The following TRPM8 variants were observed in gnomAD, a reference collection of about 807,000 sequenced individuals.
TRPM8 encodes transient receptor potential cation channel subfamily M member 8.
TRPM8 carries 110 observed loss-of-function variants against 133.7 expected under a neutral mutation model. The observed-to-expected ratio is 0.82, with a 90% confidence interval of 0.70 to 0.96. The LOEUF is 0.96. Ranked by LOEUF, TRPM8 falls within the 40% of genes least tolerant of loss-of-function variation. The probability of loss-of-function intolerance (pLI) is 0.00; values close to 1 mark genes in which losing one functional copy is unlikely to be tolerated. For missense variants in TRPM8, 1,291 were observed against 1,379.5 expected, an observed-to-expected ratio of 0.94 and a Z score of 1.02; for synonymous variants, 535 against 532.3, an observed-to-expected ratio of 1.01 and a Z score of -0.07.
chr2:234,014,576 G>C lies in TRPM8; in HGVS notation c.3279G>C (p.Lys1093Asn). ...CTCTTTCCAAGCTTAATGATCTCAA[G>C]GGTCTTCTGAAAGAGATTGCTAATA... ...RQLDTKLNDL[K>N]GLLKEIANKI... Residue 1093 changes from lysine to asparagine, a missense_variant, in exon 25 of 26, where the codon AAG (lysine) becomes AAC (asparagine). By Grantham distance (94) the Lys-to-Asn change is moderately conservative (BLOSUM62 0). This residue lies in a region of TRPM8 where 328 missense variants were observed against 410.6 expected (regional missense o/e 0.80). Transcript: ENST00000324695. The C allele has an allele frequency of 1.3e-6, 2 of 1,551,490 alleles. No individual in the cohort carries two copies. Among genetic ancestry groups the C allele is most frequent in the Non-Finnish European group, 1.7e-6 (2 of 1,152,518 alleles).
chr2:233,992,968 A>G (rs185713650), intron 21 of TRPM8, among the ~76,000 whole-genome samples: 3 of 152,326 alleles, frequency 2.0e-5, no homozygotes, highest in African/African-American at 7.2e-5. Flanking sequence ...AGGTGGAAGC[A>G]TCGCTCCATT....
At position 233,966,794 on chromosome 2, in the gene TRPM8, T is replaced by C. The variant is rs200235408; in HGVS notation, c.2025+39T>C. On this transcript the variant is annotated intron_variant, in intron 15 of 25. Transcript: ENST00000324695. Reference sequence around the variant, plus strand: ...AGCCACCAGACCACACGGCCAGAAATGGGGCTTTTATGTCAGATGCTACTA... The same window carrying C: ...AGCCACCAGACCACACGGCCAGAAACGGGGCTTTTATGTCAGATGCTACTA... 8.0e-4 allele frequency: 1,178 copies of C among 1,476,294 alleles called. 3 individuals are homozygous for C. The highest frequency in any genetic ancestry group is 1.0e-3 in the Non-Finnish European group (1,104 of 1,108,730). The allele number at this position is 1,476,294 out of a possible 1,614,324, so 91.4% of individuals were successfully genotyped here.
rs749988428 is a variant in TRPM8 at position 233,960,790 on chromosome 2, A to G, written c.1377A>G (p.Gln459=). 1.1e-5 allele frequency: 18 copies of G among 1,613,924 alleles called. No individual in the cohort carries two copies. The East Asian group carries it at 1.8e-4, about 16-fold the overall frequency. The stretch of plus-strand genomic sequence containing the variant: ...TTTCTCCTTAGTCTGCTGACCTTCA[A>G]GAAGTCATGTTTACGGCTCTCATAA... ...NDRRWESADL[Q]EVMFTALIKD... Residue 459 remains glutamine, a synonymous_variant, in exon 12 of 26, where the codon CAA becomes CAG. Transcript: ENST00000324695.
chr2:233,970,368 C>A lies in TRPM8; in HGVS notation c.2297C>A (p.Pro766His), dbSNP rs778608904. The change falls in exon 17 of 26, where the codon CCC becomes CAC. Residue 766 changes from proline (P) to histidine (H), a missense_variant. Transcript: ENST00000324695. ...LLMDFHSVPH[P>H]PELVLYSLVF... ...ATGGATTTCCATTCGGTGCCACACC[C>A]CCCCGAGCTGGTCCTGTACTCGCTG... 3 of 1,614,024 alleles carry A rather than the reference C, an allele frequency of 1.9e-6. No homozygotes were observed. The African/African-American group carries it at 4.0e-5, about 22-fold the overall frequency.
At chr2:233,980,950 C>G (rs887595804) in intron 18 of TRPM8, among the ~76,000 whole-genome samples, 1 of 152,168 alleles carries the variant, frequency 6.6e-6, no homozygotes, top group Non-Finnish European at 1.5e-5. Flanking sequence ...TGGCTCACAC[C>G]TGTAATCCCA....
At chr2:234,007,167 T>C (rs947308725) in intron 23 of TRPM8, among the ~76,000 whole-genome samples, 1 of 152,150 alleles carries the variant, frequency 6.6e-6, no homozygotes, top group East Asian at 1.9e-4. Flanking sequence ...ACTATCCCAA[T>C]TGCCCTTCAA....
At chr2:233,948,232 A>G (rs1396734551) in intron 8 of TRPM8, among the ~76,000 whole-genome samples, 1 of 152,220 alleles carries the variant, frequency 6.6e-6, no homozygotes, top group East Asian at 1.9e-4. Context: ...TCCATTCAAC[A>G]GATATTTATT....
chr2:234,006,667 G>T (rs960716830), intron 22 of TRPM8, among the ~76,000 whole-genome samples, 186 bp from the exon 23 acceptor site: 1 of 152,170 alleles, frequency 6.6e-6, no homozygotes, highest in Non-Finnish European at 1.5e-5. Context: ...TCATTGTTAG[G>T]AGAAAGCCAT....
chr2:233,943,146 C>T (rs899217263), intron 6 of TRPM8, among the ~76,000 whole-genome samples: 1 of 135,998 alleles, frequency 7.4e-6, no homozygotes, highest in Admixed American at 8.3e-5. Context: ...TTTTAGGGTA[C>T]TTGTGCATAA....
intron 1 of TRPM8, among the ~76,000 whole-genome samples, chr2:233,922,318 G>A (rs1201185719): frequency 6.6e-6 from 1 of 152,058 alleles, no homozygotes; most frequent in African/African-American, 2.4e-5. Context: ...CAATCCCTTT[G>A]CTTTGGCCAT....
At chr2:233,963,751 T>G (rs1422924677) in intron 13 of TRPM8, among the ~76,000 whole-genome samples, 1 of 152,246 alleles carries the variant, frequency 6.6e-6, no homozygotes, top group Non-Finnish European at 1.5e-5. Context: ...AGAATTTTCC[T>G]TGTGATTTAG....
At chr2:233,946,145 A>G in intron 7 of TRPM8, 115 bp downstream of exon 7, 1 of 998,300 alleles carries the variant, frequency 1.0e-6, no homozygotes. Context: ...CTGATCAGGT[A>G]TTTTTATTGC....
chr2:233,996,386 C>A lies in TRPM8; in HGVS notation c.3000C>A (p.Phe1000Leu), dbSNP rs766712846. The change falls in exon 22 of 26, where the codon TTC becomes TTA. Residue 1000 changes from phenylalanine (F) to leucine (L), a missense_variant. Phe to Leu is a conservative substitution (Grantham distance 22). Around this residue, in one of 2 missense-constraint regions of TRPM8, gnomAD observed 328 missense variants for 410.6 expected, o/e 0.80. Transcript: ENST00000324695. ...NDQVWKFQRY[F>L]LVQEYCSRLN... ...AGGTCTGGAAGTTCCAGAGGTACTT[C>A]CTGGTGCAGGAGTACTGCAGCCGCC... The A allele has an allele frequency of 1.2e-5, 20 of 1,614,224 alleles. No homozygotes were observed. Among genetic ancestry groups the A allele is most frequent in the Non-Finnish European group, 1.7e-5 (20 of 1,180,050 alleles).
chr2:233,924,823 G>A (rs1412097455), intron 1 of TRPM8, among the ~76,000 whole-genome samples: 1 of 152,220 alleles, frequency 6.6e-6, no homozygotes, highest in African/African-American at 2.4e-5. Flanking sequence ...TTTGCTGTAA[G>A]GGAATCATAG....
intron 22 of TRPM8, among the ~76,000 whole-genome samples, chr2:233,998,606 A>G (rs1692468246): frequency 6.6e-6 from 1 of 151,048 alleles, no homozygotes; most frequent in Non-Finnish European, 1.5e-5. Context: ...GCTTGTGCCC[A>G]TCCAGTTAGA....
chr2:233,959,200 G>A (rs1691368813), intron 11 of TRPM8, among the ~76,000 whole-genome samples: 1 of 151,728 alleles, frequency 6.6e-6, no homozygotes. Context: ...TAATTTTTGT[G>A]TTATTAGTAG....
At position 233,930,672 on chromosome 2, in the gene TRPM8, T is replaced by C. The variant is rs767031540; in HGVS notation, c.122T>C (p.Leu41Ser). 1.0e-5 allele frequency: 16 copies of C among 1,604,784 alleles called. No homozygotes were observed. Among genetic ancestry groups the C allele is most frequent in the Middle Eastern group, 1.6e-4 (1 of 6,062 alleles). The change falls in exon 3 of 26, where the codon TTG becomes TCG. Residue 41 changes from leucine to serine, a missense_variant. Around this residue, in one of 2 missense-constraint regions of TRPM8, gnomAD observed 963 missense variants for 968.9 expected, o/e 0.99. Transcript: ENST00000324695. ...STDLSYSESD[L>S]VNFIQANFKK... is the part of the protein sequence containing the mutation. ...TTCAATGTTCTCTCTCCAAAGGACT[T>C]GGTGAATTTTATTCAAGCAAATTTT...
In TRPM8 at chr2:233,960,662, ATAT is replaced by A. The variant is rs1453757199; in HGVS notation, c.1363-108_1363-106del. On this transcript the variant is annotated intron_variant, in intron 11 of 25. Transcript: ENST00000324695. ...GACAGGATTGAAAGAGAAGTTGAAG[ATAT>A]TATTACTCTGTGGCTGGAAATACAG... The A allele has an allele frequency of 1.0e-5, 8 of 781,096 alleles. No individual in the cohort carries two copies. In the African/African-American group the frequency reaches 1.4e-4, roughly 14 times the overall value. The allele number at this position is 781,096 out of a possible 1,614,324, so 48.4% of individuals were successfully genotyped here. A position where few individuals can be genotyped will look rare whatever the true frequency, so the allele number is the denominator to read the frequency against.
chr2:233,981,901 A>G lies in TRPM8; in HGVS notation c.2575A>G (p.Met859Val), dbSNP rs974883857. The change falls in exon 19 of 26, where the codon ATG (methionine) becomes GTG (valine). Residue 859 changes from methionine to valine, a missense_variant. Transcript: ENST00000324695. ...VSRNLGPKII[M>V]LQRMLIDVFF... ...CAGAAACTTAGGACCCAAGATTATA[A>G]TGCTGCAGAGGATGGTAAGAGTCAA... is the stretch of plus-strand genomic sequence containing the variant. 10 of 1,611,300 alleles carry G rather than the reference A, an allele frequency of 6.2e-6. No individual in the cohort carries two copies. Among genetic ancestry groups the G allele is most frequent in the Non-Finnish European group, 8.5e-6 (10 of 1,179,348 alleles).
Sources: gnomAD v4.1 joint callset for allele counts (sites outside exome capture counted in the v4.1 genomes callset) on GRCh38, gnomAD v4.1.1 for gene constraint, gnomAD v4.1.1 regional missense constraint, MANE v1.5 for transcripts, NCBI Gene and HGNC (gene_info 2026-07-23, HGNC 2026-07-21) for gene names.